Variants in RGS7 observed in about 807,000 individuals in gnomAD.
RGS7 encodes the protein regulator of G protein signaling 7.
A neutral mutation model predicts 81.1 loss-of-function variants in RGS7; 27 were observed. The ratio of observed to expected loss-of-function variants is 0.33; its 90% CI spans 0.25 to 0.46. RGS7 has a LOEUF of 0.46. RGS7 is among the 20% of genes least tolerant of loss of function. The pLI is 1.00. For synonymous variants in RGS7, 208 were observed against 207.7 expected, an observed-to-expected ratio of 1.00 and a Z score of -0.01; for missense variants, 396 against 607.4, an observed-to-expected ratio of 0.65 and a Z score of 3.66.
intron 2 of RGS7, among the ~76,000 whole-genome samples, chr1:241,128,212 G>A (rs1033084306): frequency 1.3e-5 from 2 of 151,490 alleles, no homozygotes; most frequent in African/African-American, 2.4e-5. Flanking sequence ...GGAAAGTGGA[G>A]GTTGCAGTGA....
intron 2 of RGS7, among the ~76,000 whole-genome samples, chr1:241,309,850 G>A (rs1206155124): frequency 6.6e-6 from 1 of 152,166 alleles, no homozygotes; most frequent in Admixed American, 6.5e-5. Flanking sequence ...CACACGCGTT[G>A]AAGTAGCACA....
At chr1:241,007,076 C>T (rs1227148036) in intron 3 of RGS7, among the ~76,000 whole-genome samples, 1 of 151,954 alleles carries the variant, frequency 6.6e-6, no homozygotes, top group African/African-American at 2.4e-5. Context: ...GCCACCATGC[C>T]CAGCTATTTT....
At chr1:241,337,589 G>A (rs976547301) in intron 2 of RGS7, among the ~76,000 whole-genome samples, 4 of 151,982 alleles carry the variant, frequency 2.6e-5, no homozygotes, top group South Asian at 4.1e-4. Flanking sequence ...ATTATACCAC[G>A]CTCTTCCTCT....
At chr1:240,950,088 T>C (rs915714022) in intron 4 of RGS7, among the ~76,000 whole-genome samples, 2 of 152,170 alleles carry the variant, frequency 1.3e-5, no homozygotes, top group Non-Finnish European at 2.9e-5. Context: ...CAGAAGCTTT[T>C]GGATCCATAA....
intron 2 of RGS7, among the ~76,000 whole-genome samples, chr1:241,329,412 A>T (rs182128700): frequency 3.3e-4 from 50 of 152,306 alleles, no homozygotes; most frequent in Admixed American, 2.2e-3. Context: ...GGAGTTTAAA[A>T]TTTCCAAATG....
intron 2 of RGS7, among the ~76,000 whole-genome samples, chr1:241,111,400 C>T (rs1020060582): frequency 3.9e-5 from 6 of 152,164 alleles, no homozygotes; most frequent in Non-Finnish European, 5.9e-5. Flanking sequence ...TCCTCCTTTT[C>T]GTGAGCAACA....
intron 10 of RGS7, among the ~76,000 whole-genome samples, chr1:240,825,427 A>T (rs16840776): frequency 0.026 from 4,008 of 152,344 alleles, 186 homozygotes; most frequent in African/African-American, 0.091. Context: ...TCTGACTGTG[A>T]GAAGCTACAT....
chr1:240,873,549 T>C (rs372918421), intron 6 of RGS7, among the ~76,000 whole-genome samples: 2 of 152,176 alleles, frequency 1.3e-5, no homozygotes, highest in Non-Finnish European at 2.9e-5. Flanking sequence ...AGAACTTAGA[T>C]GGAAAAGTCA....
chr1:241,264,309 C>A (rs1173483693), intron 2 of RGS7, among the ~76,000 whole-genome samples: 4 of 152,058 alleles, frequency 2.6e-5, no homozygotes, highest in Admixed American at 6.5e-5. Flanking sequence ...ACCAGCCTGG[C>A]CAACATGGTG....
intron 3 of RGS7, among the ~76,000 whole-genome samples, chr1:241,087,526 T>A (rs995767309): frequency 1.3e-5 from 2 of 152,136 alleles, no homozygotes; most frequent in East Asian, 3.9e-4. Context: ...GCAGAGTGGG[T>A]ACATGGAAGC....
At chr1:241,191,595 G>C (rs2072658539) in intron 2 of RGS7, among the ~76,000 whole-genome samples, 1 of 152,044 alleles carries the variant, frequency 6.6e-6, no homozygotes, top group African/African-American at 2.4e-5. Context: ...CTTTGGTTTT[G>C]GTTCAAGGTA....
intron 2 of RGS7, among the ~76,000 whole-genome samples, chr1:241,335,798 A>G (rs1249205474): frequency 5.3e-5 from 8 of 152,148 alleles, no homozygotes; most frequent in African/African-American, 1.9e-4. Flanking sequence ...GCCACTTCCC[A>G]TGATACAAAT....
chr1:241,265,144 C>T lies in RGS7; in HGVS notation c.78+90555G>A, dbSNP rs374724317. On this transcript the variant is annotated intron_variant, in intron 2 of 18. Transcript: ENST00000440928. Reference sequence around the variant, plus strand: ...CCTCCCACATCCCCTGATTGTTCACCGTGTTCCCAAGTGCAGCCTTTGTGT... The same window carrying T: ...CCTCCCACATCCCCTGATTGTTCACTGTGTTCCCAAGTGCAGCCTTTGTGT... Among the ~76,000 whole-genome samples, 22 of 152,292 alleles carry T rather than the reference C, an allele frequency of 1.4e-4. 1 individual carries two copies. Among genetic ancestry groups the T allele is most frequent in the East Asian group, 1.2e-3 (6 of 5,178 alleles).
intron 3 of RGS7, among the ~76,000 whole-genome samples, chr1:241,006,819 C>A (rs1258019367): frequency 6.6e-6 from 1 of 152,178 alleles, no homozygotes. Flanking sequence ...CCTCTTCATC[C>A]TCCTCCTCAG....
chr1:241,009,596 G>C (rs1382313864), intron 3 of RGS7, among the ~76,000 whole-genome samples: 1 of 152,130 alleles, frequency 6.6e-6, no homozygotes, highest in African/African-American at 2.4e-5. Flanking sequence ...GTTCAAATAG[G>C]AGGTACCATT....
intron 4 of RGS7, among the ~76,000 whole-genome samples, chr1:240,974,702 G>A (rs1293654604): frequency 2.0e-5 from 3 of 152,168 alleles, no homozygotes; most frequent in Non-Finnish European, 4.4e-5. Flanking sequence ...TGGAAGAAAG[G>A]CTCATGGAAT....
At chr1:240,876,146 C>T (rs1665373994) in intron 6 of RGS7, among the ~76,000 whole-genome samples, 1 of 152,178 alleles carries the variant, frequency 6.6e-6, no homozygotes, top group African/African-American at 2.4e-5. Flanking sequence ...CTCTTCCACC[C>T]ATAGCTAGAC....
intron 9 of RGS7, among the ~76,000 whole-genome samples, chr1:240,838,134 GT>G (rs1034066365): frequency 1.1e-4 from 16 of 152,170 alleles, no homozygotes; most frequent in Admixed American, 5.9e-4. Context: ...ATTTCTCACG[GT>G]TCTGGAGGCT....
intron 3 of RGS7, chr1:240,998,381 A>G: frequency 1.8e-6 from 1 of 540,912 alleles, no homozygotes; most frequent in Non-Finnish European, 3.3e-6. Flanking sequence ...TTTTTAAGCC[A>G]TTATTTCTTC....
Sources: gnomAD v4.1 joint callset for allele counts (sites outside exome capture counted in the v4.1 genomes callset) on GRCh38, gnomAD v4.1.1 for gene constraint, MANE v1.5 for transcripts, NCBI Gene and HGNC (gene_info 2026-07-23, HGNC 2026-07-21) for gene names.